The following ZNF638 variants were observed in gnomAD, a reference collection of about 807,000 sequenced individuals.
ZNF638 encodes the protein CTCL tumor antigen se33-1.
ZNF638 carries 46 observed loss-of-function variants against 195.6 expected under a neutral mutation model. The observed-to-expected ratio is 0.24, with a 90% CI of 0.19 to 0.30. ZNF638 has a LOEUF of 0.30. ZNF638 is among the 10% of genes least tolerant of loss of function. The pLI, the probability that ZNF638 is intolerant of heterozygous loss-of-function variation, is 1.00. For missense variants in ZNF638, 2,440 were observed against 2,325.3 expected (o/e 1.05, Z -1.01); for synonymous variants, 845 against 772.0 (o/e 1.09, Z -1.57).
chr2:71,351,208 T>G (rs1213949782), intron 2 of ZNF638, among the ~76,000 whole-genome samples: 1 of 152,220 alleles, frequency 6.6e-6, no homozygotes, highest in Non-Finnish European at 1.5e-5. Context: ...CTTAAAAATC[T>G]GTGTGTTAAC....
At position 71,427,511 on chromosome 2, in the gene ZNF638, C is replaced by G. The variant is rs777570351; in HGVS notation, c.5545+97C>G. On this transcript the variant is annotated intron_variant, in intron 24 of 27. Coordinates refer to ENST00000264447, the MANE Select transcript of ZNF638 (RefSeq NM_014497.5). ...GTTGTGGCATTACCAATAATGTCAC[C>G]CAGTATTGATATTAGAGGCCAACAG... is the stretch of plus-strand genomic sequence containing the variant. 343 of 903,150 alleles carry G rather than the reference C, an allele frequency of 3.8e-4. 1 individual carries two copies. In the Middle Eastern group the frequency reaches 3.9e-3, roughly 10 times the overall value. The allele number at this position is 903,150 out of a possible 1,614,324, so 55.9% of individuals were successfully genotyped here.
intron 5 of ZNF638, among the ~76,000 whole-genome samples, chr2:71,365,079 ATTAC>A (rs1178879360): frequency 6.6e-6 from 1 of 152,170 alleles, no homozygotes; most frequent in Non-Finnish European, 1.5e-5. Context: ...TTTTTTTGCC[ATTAC>A]TTTCAGTGGC....
In ZNF638 at chr2:71,349,431, C is replaced by T. The variant is rs756317742; in HGVS notation, c.477C>T (p.Arg159=). The T allele has an allele frequency of 3.1e-6, 5 of 1,614,124 alleles. No homozygotes were observed. The East Asian group carries it at 6.7e-5, about 22-fold the overall frequency. ...LSNEDLEELS[R]YPDEQLTPEN... ...ATGAAGACCTAGAAGAACTTAGTCG[C>T]TATCCTGATGAACAACTAACTCCTG... Residue 159 remains arginine (R), a synonymous_variant, in exon 2 of 28, where the codon CGC becomes CGT. Transcript: ENST00000264447.
chr2:71,398,664 A>T, intron 11 of ZNF638, 37 bp from the exon 12 acceptor site: 1 of 1,537,008 alleles, frequency 6.5e-7, no homozygotes, highest in Non-Finnish European at 9.0e-7. Context: ...GATACTAGTT[A>T]AGTAAACCAG....
At position 71,380,232 on chromosome 2, in the gene ZNF638, TGAA is replaced by T; in HGVS notation, c.2280_2282del (p.Lys762del). 6.4e-7 allele frequency: 1 copy of T among 1,554,388 alleles called. No individual in the cohort carries two copies. The highest frequency in any genetic ancestry group is 1.2e-5 in the South Asian group (1 of 80,322). ...ATTTTTCCTACGTAGAACAAAGAGG[TGAA>T]GAAAAAGACTTTAGAGTCAAAGAAA... On this transcript the variant is annotated inframe_deletion, in exon 9 of 28. Transcript: ENST00000264447.
rs145572264 is a variant in ZNF638, at chr2:71,339,332, T to C, written c.-203+7457T>C. On this transcript the variant is annotated intron_variant, in intron 1 of 27. Coordinates refer to ENST00000264447, the MANE Select transcript of ZNF638 (RefSeq NM_014497.5). ...CACACCCGGCTAATTTTTATATTTT[T>C]AGTAGAGACAGGGTTTCACCATGTT... 5.8e-3 allele frequency among the ~76,000 whole-genome samples: 889 copies of C among 152,220 alleles called. 12 individuals are homozygous for C. Among genetic ancestry groups the C allele is most frequent in the African/African-American group, 0.019 (778 of 41,518 alleles).
At chr2:71,360,780 A>G (rs2079096176) in intron 3 of ZNF638, among the ~76,000 whole-genome samples, 1 of 152,202 alleles carries the variant, frequency 6.6e-6, no homozygotes, top group Admixed American at 6.5e-5. Flanking sequence ...AGATAATATC[A>G]GTTAACTAGG....
intron 15 of ZNF638, among the ~76,000 whole-genome samples, chr2:71,401,286 G>C (rs562377390): frequency 1.3e-5 from 2 of 152,082 alleles, no homozygotes; most frequent in Non-Finnish European, 2.9e-5. Context: ...GGAGTAATTG[G>C]CATTGATGAG....
intron 10 of ZNF638, among the ~76,000 whole-genome samples, chr2:71,392,309 C>T (rs1320289875): frequency 6.6e-6 from 1 of 152,140 alleles, no homozygotes; most frequent in Non-Finnish European, 1.5e-5. Context: ...TTACTGATGG[C>T]TCTGGTAAAA....
rs1462440304 is a variant in ZNF638, at chr2:71,423,495, A to G, written c.3981A>G (p.Gly1327=). 28 of 1,613,892 alleles carry G rather than the reference A, an allele frequency of 1.7e-5. No homozygotes were observed. The highest frequency in any genetic ancestry group is 2.2e-5 in the Non-Finnish European group (26 of 1,180,012). The part of the protein sequence containing the change: ...TKETRMDLQI[G]TEKAEKNEGR... Reference sequence around the variant, plus strand: ...AAACCAGAATGGATCTTCAAATAGGAACAGAGAAGGCTGAAAAGAATGAAG... The same window carrying G: ...AAACCAGAATGGATCTTCAAATAGGGACAGAGAAGGCTGAAAAGAATGAAG... The change falls in exon 22 of 28, where the codon GGA becomes GGG. Residue 1327 remains glycine, a synonymous_variant. Coordinates refer to ENST00000264447, the MANE Select transcript of ZNF638 (RefSeq NM_014497.5).
rs931001190 is a variant in ZNF638, at chr2:71,424,105, T to C, written c.4524+67T>C. On this transcript the variant is annotated intron_variant, in intron 22 of 27. Transcript: ENST00000264447. The stretch of plus-strand genomic sequence containing the variant: ...GATTAGCTCCGCTGCTGTAGCTATG[T>C]AGTAGGAGATGTAATTTTGTTTCAT... 4.6e-6 allele frequency: 7 copies of C among 1,527,438 alleles called. No homozygotes were observed. The South Asian group carries it at 7.8e-5, about 17-fold the overall frequency. The allele number at this position is 1,527,438 out of a possible 1,614,324, so 94.6% of individuals were successfully genotyped here.
chr2:71,430,676 A>G (rs2080639503), intron 25 of ZNF638, among the ~76,000 whole-genome samples: 3 of 152,230 alleles, frequency 2.0e-5, no homozygotes, highest in Admixed American at 2.0e-4. Context: ...TAAAAGCTAA[A>G]TGAATGATTA....
At chr2:71,428,718 A>T in intron 25 of ZNF638, 67 bp downstream of exon 25, 2 of 1,378,096 alleles carry the variant, frequency 1.5e-6, no homozygotes, top group Non-Finnish European at 2.0e-6. Flanking sequence ...AAGTTTAAAG[A>T]TCTATCTAAG....
chr2:71,379,107 T>C (rs1445497655), intron 8 of ZNF638, among the ~76,000 whole-genome samples: 4 of 152,158 alleles, frequency 2.6e-5, no homozygotes, highest in African/African-American at 7.2e-5. Flanking sequence ...CAGAGACCAT[T>C]ACGAGGCGAT....
chr2:71,349,888 A>T lies in ZNF638; in HGVS notation c.934A>T (p.Asn312Tyr). 6.2e-7 allele frequency: 1 copy of T among 1,614,226 alleles called. No homozygotes were observed. ...QSVLEPIKSV[N>Y]QSINQTVSQT... ...AGTCCTTGAACCCATAAAATCCGTC[A>T]ACCAATCCATTAACCAAACAGTTAG... The change falls in exon 2 of 28, where the codon AAC becomes TAC. Residue 312 changes from asparagine (N) to tyrosine (Y), a missense_variant. Around this residue, in one of 5 missense-constraint regions of ZNF638, gnomAD observed 305 missense variants for 283.6 expected, o/e 1.08. Transcript: ENST00000264447.
chr2:71,370,036 T>C (rs2079280458), intron 8 of ZNF638, 31 bp downstream of exon 8: 1 of 1,579,354 alleles, frequency 6.3e-7, no homozygotes. Context: ...AAATGTTTTA[T>C]CACTGTTGTT....
intron 1 of ZNF638, among the ~76,000 whole-genome samples, chr2:71,348,264 G>T (rs2078885216): frequency 6.6e-6 from 1 of 152,146 alleles, no homozygotes; most frequent in African/African-American, 2.4e-5. Context: ...TGCCCTATGG[G>T]ATTTATTAGA....
chr2:71,372,103 G>A (rs1014775171), intron 8 of ZNF638, among the ~76,000 whole-genome samples: 9 of 152,008 alleles, frequency 5.9e-5, no homozygotes, highest in Non-Finnish European at 1.0e-4. Context: ...GAGAGATAGG[G>A]TTCAGGTTCA....
Position 71,388,827 on chromosome 2 carries a change from A to T in ZNF638, c.2378-7314A>T, listed in dbSNP as rs2079706787. ...GTCCGCACAACAGAAACAGTATATA[A>T]AAGTATTGAAACAACTGCTTAAAGC... On this transcript the variant is annotated intron_variant, in intron 10 of 27. Transcript: ENST00000264447. 3 of 721,150 alleles carry T rather than the reference A, an allele frequency of 4.2e-6. No individual in the cohort carries two copies. In the East Asian group the frequency reaches 8.1e-5, roughly 19 times the overall value. The allele number at this position is 721,150 out of a possible 1,614,324, so 44.7% of individuals were successfully genotyped here. A position where few individuals can be genotyped will look rare whatever the true frequency, so the allele number is the denominator to read the frequency against.
Sources: allele counts gnomAD v4.1 joint callset (sites outside exome capture counted in the v4.1 genomes callset), GRCh38; gene constraint gnomAD v4.1.1; regional missense constraint gnomAD v4.1.1; transcripts MANE v1.5; gene names NCBI Gene and HGNC (gene_info 2026-07-23, HGNC 2026-07-21).